The following HTR1F variants were observed in gnomAD, a reference collection of about 807,000 sequenced individuals.
HTR1F encodes 5-hydroxytryptamine receptor 1F.
A neutral mutation model predicts 24.0 loss-of-function variants in HTR1F; 17 were observed. The observed-to-expected ratio is 0.71, with a 90% CI of 0.48 to 1.06. The LOEUF is 1.06. Ranked by LOEUF, HTR1F falls within the 50% of genes least tolerant of loss-of-function variation. The pLI, the probability that HTR1F is intolerant of heterozygous loss-of-function variation, is 0.00. For synonymous variants in HTR1F, 186 were observed against 156.8 expected (o/e 1.19, Z -1.39); for missense variants, 391 against 427.8 (o/e 0.91, Z 0.76).
At chr3:87,931,026 C>CTTTTTTTTTTTT (rs34617109) in intron 2 of HTR1F, among the ~76,000 whole-genome samples, 2 of 131,816 alleles carry the variant, frequency 1.5e-5, no homozygotes, top group Admixed American at 7.8e-5. Flanking sequence ...ATAGTCTTTC[C>CTTTTTTTTTTTT]TTTTTTTTTT....
At chr3:87,973,326 A>G (rs950027719) in intron 2 of HTR1F, among the ~76,000 whole-genome samples, 1 of 152,112 alleles carries the variant, frequency 6.6e-6, no homozygotes, top group Non-Finnish European at 1.5e-5. Flanking sequence ...AACCTATTCA[A>G]ATTATTCTCC....
In HTR1F at chr3:87,913,924, C is replaced by A. The variant is rs151319388; in HGVS notation, c.-42-76784C>A. ...ACAGACAGAGCAGCATGTGGAGGCT[C>A]GCATCATGAATTTTTGCTCCACAAC... is the stretch of plus-strand genomic sequence containing the variant. On this transcript the variant is annotated intron_variant, in intron 2 of 2. Transcript: ENST00000319595. 4.0e-3 allele frequency among the ~76,000 whole-genome samples: 612 copies of A among 152,172 alleles called. 6 individuals carry two copies. The highest frequency in any genetic ancestry group is 0.014 in the African/African-American group (592 of 41,530).
chr3:87,861,040 C>G (rs1705308129), intron 2 of HTR1F, among the ~76,000 whole-genome samples: 1 of 152,052 alleles, frequency 6.6e-6, no homozygotes, highest in African/African-American at 2.4e-5. Flanking sequence ...GCCTGTAGTC[C>G]CAGCTACACG....
chr3:87,807,991 T>C (rs1559590099), intron 1 of HTR1F, among the ~76,000 whole-genome samples: 2 of 151,992 alleles, frequency 1.3e-5, no homozygotes, highest in Admixed American at 6.6e-5. Flanking sequence ...TGGTATATTA[T>C]TTTTTTAATG....
intron 2 of HTR1F, among the ~76,000 whole-genome samples, chr3:87,964,192 A>G (rs2915279): frequency 0.057 from 8,607 of 152,192 alleles, 743 homozygotes; most frequent in African/African-American, 0.19. Flanking sequence ...TAAAACTGCT[A>G]TATAATTGTC....
intron 2 of HTR1F, among the ~76,000 whole-genome samples, chr3:87,940,216 G>A (rs1465867832): frequency 6.6e-6 from 1 of 152,158 alleles, no homozygotes; most frequent in Non-Finnish European, 1.5e-5. Context: ...TGATTGCACT[G>A]TGATCTGCGA....
At chr3:87,921,267 T>C (rs1190945305) in intron 2 of HTR1F, among the ~76,000 whole-genome samples, 2 of 152,008 alleles carry the variant, frequency 1.3e-5, no homozygotes, top group Non-Finnish European at 2.9e-5. Flanking sequence ...ATTGATTGGA[T>C]TTACCTTACA....
intron 2 of HTR1F, among the ~76,000 whole-genome samples, chr3:87,864,349 A>AGAT (rs944122568): frequency 6.6e-6 from 1 of 152,186 alleles, no homozygotes; most frequent in African/African-American, 2.4e-5. Flanking sequence ...CTTTAGCGTG[A>AGAT]GATAACACTT....
At chr3:87,971,690 G>C (rs7653582) in intron 2 of HTR1F, among the ~76,000 whole-genome samples, 10 of 152,104 alleles carry the variant, frequency 6.6e-5, no homozygotes, top group Admixed American at 1.3e-4. Flanking sequence ...CACCTCTTGT[G>C]TATCTTTCTA....
At chr3:87,810,869 A>AGTT (rs1441807753) in intron 1 of HTR1F, among the ~76,000 whole-genome samples, 1 of 152,196 alleles carries the variant, frequency 6.6e-6, no homozygotes, top group African/African-American at 2.4e-5. Context: ...TTTGCACAGG[A>AGTT]GTTAATTTTA....
intron 1 of HTR1F, among the ~76,000 whole-genome samples, chr3:87,816,634 C>A (rs1303908839): frequency 6.6e-6 from 1 of 151,934 alleles, no homozygotes; most frequent in African/African-American, 2.4e-5. Context: ...TTTTACAGCT[C>A]TTATTTGTAT....
chr3:87,837,790 T>C (rs1278235540), intron 2 of HTR1F, among the ~76,000 whole-genome samples: 4 of 152,098 alleles, frequency 2.6e-5, no homozygotes, highest in Non-Finnish European at 4.4e-5. Context: ...TTAGCCCATT[T>C]TCTGGCATTA....
chr3:87,925,655 C>G (rs1704108454), intron 2 of HTR1F, among the ~76,000 whole-genome samples: 1 of 152,148 alleles, frequency 6.6e-6, no homozygotes, highest in Non-Finnish European at 1.5e-5. Flanking sequence ...AAGCAGGACC[C>G]TGCATGGGTT....
chr3:87,978,426 T>A (rs1355931613), intron 2 of HTR1F, among the ~76,000 whole-genome samples: 1 of 152,106 alleles, frequency 6.6e-6, no homozygotes, highest in East Asian at 1.9e-4. Flanking sequence ...GTGAGCAAGG[T>A]GAAGGGCTGC....
rs188907838 is a variant in HTR1F, at chr3:87,969,281, G to T, written c.-42-21427G>T. On this transcript the variant is annotated intron_variant, in intron 2 of 2. Transcript: ENST00000319595. ...GGAATGGTAGGTCCACTGACAGCTT[G>T]CGCCTGTGTGCCAGGAAAAGCCACA... Among the ~76,000 whole-genome samples, 4 of 152,316 alleles carry T rather than the reference G, an allele frequency of 2.6e-5. No homozygotes were observed. The East Asian group carries it at 7.7e-4, about 29-fold the overall frequency.
At chr3:87,890,726 G>A (rs1455935424) in intron 2 of HTR1F, among the ~76,000 whole-genome samples, 1 of 151,860 alleles carries the variant, frequency 6.6e-6, no homozygotes, top group Non-Finnish European at 1.5e-5. Flanking sequence ...GGCAAGTCTT[G>A]TTGTTTCAAA....
intron 1 of HTR1F, among the ~76,000 whole-genome samples, chr3:87,819,776 A>T (rs1704319115): frequency 6.6e-6 from 1 of 152,138 alleles, no homozygotes; most frequent in South Asian, 2.1e-4. Flanking sequence ...AATAGGGGCA[A>T]AAACATTTCT....
At position 87,969,135 on chromosome 3, in the gene HTR1F, A is replaced by G. The variant is rs552712266; in HGVS notation, c.-42-21573A>G. Among the ~76,000 whole-genome samples the G allele has an allele frequency of 1.8e-4, 28 of 152,366 alleles. No homozygotes were observed. The East Asian group carries it at 5.2e-3, about 28-fold the overall frequency. On this transcript the variant is annotated intron_variant, in intron 2 of 2. Transcript: ENST00000319595. ...AGTTTGCTGCAGGAATGAAGCCCTCATGAAGAACCTCTGCTAGGGCAGTGT... is the reference window on the plus strand; with the variant it reads ...AGTTTGCTGCAGGAATGAAGCCCTCGTGAAGAACCTCTGCTAGGGCAGTGT...
intron 2 of HTR1F, among the ~76,000 whole-genome samples, chr3:87,846,367 G>A (rs925473485): frequency 6.6e-6 from 1 of 151,912 alleles, no homozygotes; most frequent in Non-Finnish European, 1.5e-5. Flanking sequence ...CTGGGAGGCA[G>A]AGGTTGTTGC....
Sources: gnomAD v4.1 joint callset for allele counts (sites outside exome capture counted in the v4.1 genomes callset) on GRCh38, gnomAD v4.1.1 for gene constraint, MANE v1.5 for transcripts, NCBI Gene and HGNC (gene_info 2026-07-23, HGNC 2026-07-21) for gene names.